Variants in LRP1B observed in about 807,000 individuals in gnomAD.
LRP1B encodes LDL receptor related protein 1B, also known as low-density lipoprotein receptor-related protein 1B.
In LRP1B, 217 loss-of-function variants were observed where a neutral mutation model predicts 556.6. The ratio of observed to expected loss-of-function variants is 0.39; its 90% CI spans 0.35 to 0.44. The LOEUF is 0.44. Among genes scored for constraint, LRP1B ranks in the 20% least tolerant of loss-of-function variants. The pLI is 1.00. For synonymous variants in LRP1B, 2,047 were observed against 1,865.8 expected (o/e 1.10, Z -2.50); for missense variants, 5,053 against 5,620.8 (o/e 0.90, Z 3.23).
In LRP1B at chr2:141,878,816, T is replaced by G. The variant is rs898900837; in HGVS notation, c.83-68415A>C. ...TATCTTACAATCTATTTGGAATTTT[T>G]TTTTATTTATGGGACAGAAGGGCAG... On this transcript the variant is annotated intron_variant, in intron 1 of 90. Coordinates refer to ENST00000389484, the MANE Select transcript of LRP1B (RefSeq NM_018557.3). Among the ~76,000 whole-genome samples the G allele has an allele frequency of 9.9e-5, 15 of 151,980 alleles. No individual in the cohort carries two copies. The South Asian group carries it at 2.3e-3, about 23-fold the overall frequency.
At chr2:140,285,333 A>G (rs1216723852) in intron 84 of LRP1B, among the ~76,000 whole-genome samples, 7 of 55,182 alleles carry the variant, frequency 1.3e-4, no homozygotes, top group Non-Finnish European at 4.8e-4. Context: ...ACATATACAC[A>G]TACATATGTA....
At chr2:142,096,613 A>G (rs1706379877) in intron 1 of LRP1B, among the ~76,000 whole-genome samples, 3 of 151,638 alleles carry the variant, frequency 2.0e-5, no homozygotes, top group African/African-American at 4.8e-5. Flanking sequence ...TATGAAACTA[A>G]ATGTTTATAT....
chr2:140,373,068 A>G lies in LRP1B; in HGVS notation c.10708T>C (p.Trp3570Arg), dbSNP rs1409744122. The G allele has an allele frequency of 3.7e-6, 6 of 1,613,242 alleles. No individual in the cohort carries two copies. In the African/African-American group the frequency reaches 6.7e-5, roughly 18 times the overall value. ...CSNGQCIPAKWKCDGHEDCKY... is the reference protein window; with the variant it reads ...CSNGQCIPAKRKCDGHEDCKY... ...CAGTCTTCATGGCCATCACATTTCC[A>G]TTTTGCTGGTATACACTGACCATTG... The change falls in exon 69 of 91, where the codon TGG becomes CGG. Residue 3570 changes from tryptophan (W) to arginine (R), a missense_variant. Trp to Arg is a moderately radical substitution (Grantham distance 101). This residue lies in a region of LRP1B where 599 missense variants were observed against 648.4 expected (regional missense o/e 0.92). Transcript: ENST00000389484.
At chr2:141,875,835 G>A (rs1698740284) in intron 1 of LRP1B, among the ~76,000 whole-genome samples, 1 of 151,916 alleles carries the variant, frequency 6.6e-6, no homozygotes, top group Non-Finnish European at 1.5e-5. Context: ...GTATGCGTAT[G>A]TGTAGCGAGG....
chr2:140,623,956 G>GTATATATATATATATATATATGTA (rs3060390), intron 41 of LRP1B, among the ~76,000 whole-genome samples: 2 of 106,436 alleles, frequency 1.9e-5, no homozygotes, highest in South Asian at 7.4e-4. Context: ...TTTTATTTAT[G>GTATATATATATATATATATATGTA]TATATATATA....
At chr2:141,678,918 T>A (rs1078590) in intron 2 of LRP1B, among the ~76,000 whole-genome samples, 43,337 of 152,052 alleles carry the variant, frequency 0.29, 7,915 homozygotes, top group Non-Finnish European at 0.42. Context: ...ATGGACCTAG[T>A]AACTTGCTGC....
At chr2:140,250,921 G>T (rs991835541) in intron 86 of LRP1B, among the ~76,000 whole-genome samples, 1 of 151,162 alleles carries the variant, frequency 6.6e-6, no homozygotes, top group East Asian at 2.0e-4. Flanking sequence ...CAGCATGATC[G>T]CTCAAAAGAT....
intron 2 of LRP1B, among the ~76,000 whole-genome samples, chr2:141,731,140 A>C (rs1693257565): frequency 6.6e-6 from 1 of 152,154 alleles, no homozygotes; most frequent in Non-Finnish European, 1.5e-5. Context: ...TTCATAATAC[A>C]GAACATGGTA....
intron 41 of LRP1B, among the ~76,000 whole-genome samples, chr2:140,624,751 G>C (rs1322527950): frequency 6.6e-6 from 1 of 152,040 alleles, no homozygotes; most frequent in African/African-American, 2.4e-5. Flanking sequence ...ATTATATATT[G>C]ATGAGATAGA....
At chr2:141,321,106 A>C (rs1320552294) in intron 3 of LRP1B, among the ~76,000 whole-genome samples, 1 of 152,166 alleles carries the variant, frequency 6.6e-6, no homozygotes, top group East Asian at 1.9e-4. Context: ...TAACATGAAA[A>C]CATATAATGT....
At chr2:140,343,548 A>G (rs1465602167) in intron 77 of LRP1B, among the ~76,000 whole-genome samples, 1 of 151,700 alleles carries the variant, frequency 6.6e-6, no homozygotes, top group South Asian at 2.1e-4. Flanking sequence ...CTATGAGTGC[A>G]ATCATTAAAA....
chr2:140,505,521 T>G (rs1574014908), intron 53 of LRP1B, among the ~76,000 whole-genome samples: 1 of 152,324 alleles, frequency 6.6e-6, no homozygotes, highest in East Asian at 1.9e-4. Context: ...AATTTCTGTT[T>G]TTTCCATTCA....
chr2:141,396,607 G>T (rs1250005086), intron 3 of LRP1B, among the ~76,000 whole-genome samples: 1 of 151,958 alleles, frequency 6.6e-6, no homozygotes, highest in Non-Finnish European at 1.5e-5. Flanking sequence ...TTTTTTTCAA[G>T]AACAAAATTT....
Position 140,700,506 on chromosome 2 carries a change from A to G in LRP1B, c.6543T>C (p.Thr2181=), listed in dbSNP as rs747575186. 7 of 1,613,596 alleles carry G rather than the reference A, an allele frequency of 4.3e-6. No individual in the cohort carries two copies. Among genetic ancestry groups the G allele is most frequent in the South Asian group, 3.3e-5 (3 of 91,074 alleles). The change falls in exon 41 of 91, where the codon ACT becomes ACC. Residue 2181 remains threonine, a synonymous_variant. Transcript: ENST00000389484. ...AHGYLAEDGV[T]CLRHEGYLLY... The stretch of plus-strand genomic sequence containing the variant: ...GTAAATAGCCTTCATGCCTCAGGCA[A>G]GTAACTCCATCTTCTGCCAAATATC...
chr2:140,357,871 C>A, intron 74 of LRP1B, 108 bp downstream of exon 74: 1 of 1,296,554 alleles, frequency 7.7e-7, no homozygotes, highest in South Asian at 1.5e-5. Context: ...GGGCATCAGT[C>A]AAGCATACTT....
intron 2 of LRP1B, among the ~76,000 whole-genome samples, chr2:141,705,743 T>A: frequency 6.6e-6 from 1 of 152,016 alleles, no homozygotes; most frequent in Non-Finnish European, 1.5e-5. Context: ...TTGCTAGTAT[T>A]CCAATGATAC....
At chr2:141,459,222 G>A (rs1237344577) in intron 3 of LRP1B, among the ~76,000 whole-genome samples, 1 of 152,078 alleles carries the variant, frequency 6.6e-6, no homozygotes, top group African/African-American at 2.4e-5. Context: ...GGCTATAGAG[G>A]TATAAATCAA....
At chr2:142,017,091 GA>G (rs1703172065) in intron 1 of LRP1B, among the ~76,000 whole-genome samples, 1 of 151,682 alleles carries the variant, frequency 6.6e-6, no homozygotes, top group Admixed American at 6.6e-5. Flanking sequence ...TTGTGAAATA[GA>G]AAAAATAAGC....
intron 3 of LRP1B, among the ~76,000 whole-genome samples, chr2:141,350,641 T>C (rs1191777827): frequency 1.3e-5 from 2 of 152,106 alleles, no homozygotes; most frequent in Admixed American, 6.6e-5. Context: ...TTTGTAACCA[T>C]CGTATCACTC....
Sources: gnomAD v4.1 joint callset for allele counts (sites outside exome capture counted in the v4.1 genomes callset) on GRCh38, gnomAD v4.1.1 for gene constraint, gnomAD v4.1.1 regional missense constraint, MANE v1.5 for transcripts, NCBI Gene and HGNC (gene_info 2026-07-23, HGNC 2026-07-21) for gene names.